Variants in SH3RF3 observed in about 807,000 individuals in gnomAD.
SH3RF3 encodes SH3 domain containing ring finger 3.
Under a neutral mutation model 66.3 loss-of-function variants are expected in SH3RF3, and 29 were observed. The observed-to-expected ratio is 0.44, with a 90% CI of 0.33 to 0.60. The LOEUF (loss-of-function observed/expected upper bound fraction) is 0.60. Ranked by LOEUF, SH3RF3 falls within the 20% of genes least tolerant of loss-of-function variation. SH3RF3 has a pLI of 0.04. For synonymous variants in SH3RF3, 583 were observed against 532.0 expected (o/e 1.10, Z -1.32); for missense variants, 1,194 against 1,190.9 (o/e 1.00, Z -0.04).
intron 1 of SH3RF3, among the ~76,000 whole-genome samples, chr2:109,318,001 C>G (rs982858953): frequency 6.6e-6 from 1 of 151,446 alleles, no homozygotes; most frequent in East Asian, 2.0e-4. Flanking sequence ...TGCATCTGAA[C>G]GGAAGGCCAG....
rs1023258948 is a variant in SH3RF3, at chr2:109,254,833, G to T, written c.574-92841G>T. On this transcript the variant is annotated intron_variant, in intron 1 of 9. Transcript: ENST00000309415. ...ACTTCTAGGCTGGAGGCACTGCCTC[G>T]CCAGGGCAGTATCTGCTCTCTGTGG... is the stretch of plus-strand genomic sequence containing the variant. Among the ~76,000 whole-genome samples the T allele has an allele frequency of 3.9e-4, 60 of 151,968 alleles. 1 individual carries two copies. The highest frequency in any genetic ancestry group is 5.9e-5 in the Non-Finnish European group (4 of 67,996).
intron 2 of SH3RF3, among the ~76,000 whole-genome samples, chr2:109,359,055 G>C (rs1227545536): frequency 1.3e-5 from 2 of 152,018 alleles, no homozygotes; most frequent in African/African-American, 4.8e-5. Flanking sequence ...CCATTGTATT[G>C]TCTTTGTTCC....
intron 8 of SH3RF3, among the ~76,000 whole-genome samples, chr2:109,467,324 G>T (rs1678380413): frequency 6.6e-6 from 1 of 152,274 alleles, no homozygotes; most frequent in South Asian, 2.1e-4. Context: ...ACCAGCTGCT[G>T]ATACACACAG....
At chr2:109,421,877 A>G (rs1197595551) in intron 5 of SH3RF3, among the ~76,000 whole-genome samples, 1 of 152,192 alleles carries the variant, frequency 6.6e-6, no homozygotes, top group African/African-American at 2.4e-5. Context: ...TATACTGAGT[A>G]GCAGTCACAT....
intron 9 of SH3RF3, among the ~76,000 whole-genome samples, chr2:109,496,678 T>C (rs1679270007): frequency 1.3e-5 from 2 of 152,218 alleles, no homozygotes; most frequent in Admixed American, 6.5e-5. Flanking sequence ...TCAGCGTTCC[T>C]TGATCTGATC....
intron 1 of SH3RF3, among the ~76,000 whole-genome samples, chr2:109,322,426 G>A (rs952786037): frequency 2.6e-5 from 4 of 152,160 alleles, no homozygotes; most frequent in African/African-American, 4.8e-5. Context: ...ACTAGGAGGC[G>A]GGTGAGTTGT....
chr2:109,347,842 A>C lies in SH3RF3; in HGVS notation c.742A>C (p.Ile248Leu), dbSNP rs1198951387. The C allele has an allele frequency of 6.2e-7, 1 of 1,613,876 alleles. No individual in the cohort carries two copies. The highest frequency in any genetic ancestry group is 8.5e-7 in the Non-Finnish European group (1 of 1,179,848). Reference sequence around the variant, plus strand: ...ACAGGGCTTCCTCCCAGCCAGCTATATCCAGTGCATCCAGCCCTTGCCACA... The same window carrying C: ...ACAGGGCTTCCTCCCAGCCAGCTATCTCCAGTGCATCCAGCCCTTGCCACA... ...GTQGFLPASY[I>L]QCIQPLPHAP... Residue 248 changes from isoleucine to leucine, a missense_variant, in exon 2 of 10, where the codon ATC becomes CTC. Physicochemically the swap from Ile to Leu is conservative, Grantham distance 5. Coordinates refer to ENST00000309415, the MANE Select transcript of SH3RF3 (RefSeq NM_001099289.3).
chr2:109,288,549 G>A (rs1021613210), intron 1 of SH3RF3, among the ~76,000 whole-genome samples: 1 of 152,206 alleles, frequency 6.6e-6, no homozygotes, highest in Non-Finnish European at 1.5e-5. Context: ...TGTCATGTTG[G>A]TCTGGAGTCA....
intron 1 of SH3RF3, among the ~76,000 whole-genome samples, chr2:109,243,283 G>A (rs561365126): frequency 2.6e-5 from 4 of 152,348 alleles, no homozygotes; most frequent in Admixed American, 6.5e-5. Flanking sequence ...GGCGTCAGCC[G>A]TACACCGCAT....
At chr2:109,371,560 T>C (rs1683271309) in intron 2 of SH3RF3, 26 bp from the exon 3 acceptor site, 21 of 1,604,306 alleles carry the variant, frequency 1.3e-5, no homozygotes, top group Non-Finnish European at 1.7e-5. Flanking sequence ...CGTATGCTTG[T>C]GTCCACGGTG....
intron 1 of SH3RF3, among the ~76,000 whole-genome samples, chr2:109,164,992 C>T (rs754669781): frequency 7.2e-5 from 11 of 152,152 alleles, no homozygotes; most frequent in South Asian, 2.1e-4. Flanking sequence ...TCTTAGTCAT[C>T]GTCTTCCTTG....
At position 109,377,340 on chromosome 2, in the gene SH3RF3, G is replaced by A. The variant is rs182098170; in HGVS notation, c.945+5659G>A. ...GTCACAGATGAGAGGTGGAGGTGGG[G>A]CCCAGCTGCTGATGATGAGCCTCCT... On this transcript the variant is annotated intron_variant, in intron 3 of 9. Coordinates refer to ENST00000309415, the MANE Select transcript of SH3RF3 (RefSeq NM_001099289.3). Among the ~76,000 whole-genome samples the A allele has an allele frequency of 4.1e-3, 631 of 152,294 alleles. 6 individuals carry two copies. The highest frequency in any genetic ancestry group is 0.014 in the African/African-American group (577 of 41,556).
intron 4 of SH3RF3, among the ~76,000 whole-genome samples, chr2:109,416,931 TATGTCCA>T (rs1676741747): frequency 3.3e-5 from 5 of 149,920 alleles, no homozygotes; most frequent in African/African-American, 1.2e-4. Flanking sequence ...AAAAGAATTG[TATGTCCA>T]GTGCTTGGCC....
At chr2:109,151,439 A>G (rs1574476127) in intron 1 of SH3RF3, among the ~76,000 whole-genome samples, 1 of 152,250 alleles carries the variant, frequency 6.6e-6, no homozygotes, top group Non-Finnish European at 1.5e-5. Flanking sequence ...GCACCATCCA[A>G]TACAAATAGA....
rs1488623238 is a variant in SH3RF3, at chr2:109,504,427, T to C, written c.*2756T>C. 1 of 152,164 alleles carries C rather than the reference T, an allele frequency of 6.6e-6. No homozygotes were observed. The highest frequency in any genetic ancestry group is 1.5e-5 in the Non-Finnish European group (1 of 68,062). The allele number at this position is 152,164 out of a possible 1,614,324, so 9.4% of individuals were successfully genotyped here. On this transcript the variant is annotated 3_prime_UTR_variant, in exon 10 of 10. Transcript: ENST00000309415. ...GTGCTCTCCTGGCATCCTCATGGGG[T>C]GATGCCAGGCCGGGCACTTCAAAAC...
At chr2:109,421,837 A>G (rs1182145268) in intron 5 of SH3RF3, among the ~76,000 whole-genome samples, 1 of 152,184 alleles carries the variant, frequency 6.6e-6, no homozygotes, top group Non-Finnish European at 1.5e-5. Context: ...GTGACTGGTG[A>G]TGGTCCGTTC....
At chr2:109,175,380 C>T (rs369018475) in intron 1 of SH3RF3, among the ~76,000 whole-genome samples, 2 of 152,298 alleles carry the variant, frequency 1.3e-5, no homozygotes, top group Admixed American at 1.3e-4. Context: ...GAAAAGCAAA[C>T]GCTGGTGAAT....
intron 1 of SH3RF3, among the ~76,000 whole-genome samples, chr2:109,346,240 G>T (rs1397372129): frequency 1.3e-5 from 2 of 152,068 alleles, no homozygotes; most frequent in Non-Finnish European, 1.5e-5. Context: ...CTGTTTAATT[G>T]GTTAGTGGTG....
intron 8 of SH3RF3, among the ~76,000 whole-genome samples, chr2:109,478,799 G>A (rs1471328788): frequency 2.0e-5 from 3 of 152,286 alleles, no homozygotes; most frequent in Admixed American, 2.0e-4. Flanking sequence ...GCTCATGACA[G>A]GTGAGAATGA....
Sources: allele counts gnomAD v4.1 joint callset (sites outside exome capture counted in the v4.1 genomes callset), GRCh38; gene constraint gnomAD v4.1.1; transcripts MANE v1.5; gene names NCBI Gene and HGNC (gene_info 2026-07-23, HGNC 2026-07-21).